The following PRH1 variants were observed in gnomAD, a reference collection of about 807,000 sequenced individuals.
The protein encoded by PRH1 is proline rich protein HaeIII subfamily 1.
Under a neutral mutation model 7.9 loss-of-function variants are expected in PRH1, and 7 were observed. The observed-to-expected ratio is 0.89, with a 90% CI of 0.50 to 1.67. The LOEUF is 1.67. Among genes scored for constraint, PRH1 ranks in the 40% most tolerant of loss-of-function variants. PRH1 has a pLI of 0.00. For missense variants in PRH1, 109 were observed against 223.6 expected (o/e 0.49, Z 3.27); for synonymous variants, 45 against 80.8 (o/e 0.56, Z 2.38).
intron 1 of PRH1, among the ~76,000 whole-genome samples, chr12:11,128,543 A>T (rs1315184593): frequency 3.3e-5 from 5 of 152,012 alleles, no homozygotes; most frequent in African/African-American, 1.2e-4. Flanking sequence ...TCAGGAGTGC[A>T]AATCCAGCAT....
intron 2 of PRH1, among the ~76,000 whole-genome samples, chr12:10,941,237 C>A (rs1022622576): frequency 6.6e-6 from 1 of 152,196 alleles, no homozygotes; most frequent in African/African-American, 2.4e-5. Flanking sequence ...CAGAGGGTCT[C>A]GCCCAAAGGA....
In PRH1 at chr12:10,986,293, G is replaced by A. The variant is rs751722182; in HGVS notation, c.-125-12572C>T. The A allele has an allele frequency of 1.9e-6, 3 of 1,613,966 alleles. No homozygotes were observed. In the Admixed American group the frequency reaches 5.0e-5, roughly 27 times the overall value. On this transcript the variant is annotated intron_variant, in intron 1 of 3. Coordinates refer to the PRH1 transcript ENST00000539853. ...AGCATCAGAAAAGATATCAGGGACA[G>A]AGTAAAGGGTATGAAGCTCCATAGG... is the stretch of plus-strand genomic sequence containing the variant.
At chr12:11,080,429 A>T (rs371762504) in intron 1 of PRH1, among the ~76,000 whole-genome samples, 236 of 81,370 alleles carry the variant, frequency 2.9e-3, no homozygotes, top group Admixed American at 4.2e-3. Context: ...GAATAATGCT[A>T]CAATGAGCAT....
At chr12:10,979,974 T>C (rs1355294536) in intron 1 of PRH1, among the ~76,000 whole-genome samples, 5 of 152,178 alleles carry the variant, frequency 3.3e-5, no homozygotes, top group Admixed American at 6.5e-5. Flanking sequence ...TTCTAAGTTC[T>C]TGTCAGACAT....
chr12:11,075,247 A>T lies in PRH1; in HGVS notation n.124-28059T>A, dbSNP rs1409417714. ...AGAAAGGTGACTCGTTACTAACTCA[A>T]TTTTTAAAAGCGAAATGCCATCTTT... On this transcript the variant is annotated intron_variant and non_coding_transcript_variant, in intron 1 of 4. Coordinates refer to the PRH1 transcript ENST00000541977. Among the ~76,000 whole-genome samples, 57 of 132,506 alleles carry T rather than the reference A, an allele frequency of 4.3e-4. 2 individuals are homozygous for T. The highest frequency in any genetic ancestry group is 7.3e-4 in the Non-Finnish European group (44 of 60,146). The allele number at this position is 132,506 out of a possible 152,430, so 86.9% of individuals were successfully genotyped here. A position where few individuals can be genotyped will look rare whatever the true frequency, so the allele number is the denominator to read the frequency against.
At chr12:10,967,072 G>A (rs369035107) in intron 2 of PRH1, among the ~76,000 whole-genome samples, 194 of 144,596 alleles carry the variant, frequency 1.3e-3, no homozygotes, top group African/African-American at 4.5e-3. Flanking sequence ...CGGAGATGGC[G>A]CCACCGCACT....
At chr12:11,044,236 C>T (rs1243857663) in intron 1 of PRH1, among the ~76,000 whole-genome samples, 1 of 152,074 alleles carries the variant, frequency 6.6e-6, no homozygotes, top group East Asian at 1.9e-4. Flanking sequence ...ACTGAATATC[C>T]CTATGCAGAA....
intron 2 of PRH1, chr12:10,908,377 T>A: frequency 6.2e-7 from 1 of 1,601,352 alleles, no homozygotes; most frequent in East Asian, 2.2e-5. Flanking sequence ...CTTATGAAAT[T>A]GTGAGTTTCT....
At chr12:10,943,190 C>T (rs956696870) in intron 2 of PRH1, among the ~76,000 whole-genome samples, 25 of 152,140 alleles carry the variant, frequency 1.6e-4, no homozygotes, top group African/African-American at 5.8e-4. Flanking sequence ...TCTGTCTTTC[C>T]AAGTCAGAAC....
In PRH1 at chr12:10,938,283, C is replaced by T. The variant is rs1364464703; in HGVS notation, c.-59+35372G>A. The T allele has an allele frequency of 1.2e-6, 2 of 1,606,736 alleles. No individual in the cohort carries two copies. Among genetic ancestry groups the T allele is most frequent in the Non-Finnish European group, 1.7e-6 (2 of 1,177,864 alleles). On this transcript the variant is annotated intron_variant, in intron 2 of 3. Transcript: ENST00000539853. ...GATGATTCTCTAAATTCTTTGTGAC[C>T]TGAGGGCTCCCCATCTTTGAACATG...
chr12:11,026,145 C>T (rs1941901515), intron 1 of PRH1, among the ~76,000 whole-genome samples: 2 of 152,234 alleles, frequency 1.3e-5, no homozygotes, highest in Admixed American at 1.3e-4. Flanking sequence ...AAGCAATCCT[C>T]CTGCCTCAGC....
chr12:11,065,473 C>T (rs1189509795), intron 1 of PRH1, among the ~76,000 whole-genome samples: 2 of 152,128 alleles, frequency 1.3e-5, no homozygotes, highest in Admixed American at 6.6e-5. Flanking sequence ...CTCTGACCCT[C>T]TAGCCTTATA....
At chr12:11,022,502 T>C (rs1439294792) in intron 1 of PRH1, 2 of 1,613,686 alleles carry the variant, frequency 1.2e-6, no homozygotes, top group East Asian at 2.2e-5. Flanking sequence ...ATGAAGCCAT[T>C]GGCAACATTT....
chr12:10,980,235 T>G (rs1215301300), intron 1 of PRH1, among the ~76,000 whole-genome samples: 12 of 152,192 alleles, frequency 7.9e-5, no homozygotes, highest in Admixed American at 7.9e-4. Flanking sequence ...CTATGATTAC[T>G]GCGATACTGA....
intron 1 of PRH1, among the ~76,000 whole-genome samples, chr12:11,073,585 T>C (rs549996298): frequency 6.6e-6 from 1 of 151,988 alleles, no homozygotes; most frequent in South Asian, 2.1e-4. Flanking sequence ...TAAAGTCCTT[T>C]TTAAATCCCT....
intron 2 of PRH1, among the ~76,000 whole-genome samples, chr12:10,972,930 C>CCG (rs1308294469): frequency 2.3e-5 from 3 of 128,994 alleles, no homozygotes; most frequent in African/African-American, 5.8e-5. Context: ...GCACCACAAC[C>CCG]CACCCCCCCC....
At chr12:10,997,170 T>C (rs10845281) in intron 1 of PRH1, 574,597 of 1,613,804 alleles carry the variant, frequency 0.36, 113,751 homozygotes, top group East Asian at 0.75. Context: ...GCAAGTAATA[T>C]GAGGAAGGAG....
At chr12:11,029,944 G>A (rs183399853) in intron 1 of PRH1, among the ~76,000 whole-genome samples, 42 of 152,162 alleles carry the variant, frequency 2.8e-4, no homozygotes, top group Middle Eastern at 3.4e-3. Context: ...CAATAAATTC[G>A]AGGTTCAAGC....
intron 2 of PRH1, among the ~76,000 whole-genome samples, chr12:10,954,500 C>T (rs942790806): frequency 3.4e-4 from 51 of 149,532 alleles, no homozygotes; most frequent in African/African-American, 1.2e-3. Flanking sequence ...CAGGGTCTCA[C>T]TCTGTTGCCC....
Sources: allele counts gnomAD v4.1 joint callset (sites outside exome capture counted in the v4.1 genomes callset), GRCh38; gene constraint gnomAD v4.1.1; transcripts MANE v1.5; gene names NCBI Gene and HGNC (gene_info 2026-07-23, HGNC 2026-07-21).